The following XRCC4 variants were observed in gnomAD, a reference collection of about 807,000 sequenced individuals.
XRCC4 encodes the protein X-ray repair cross complementing 4.
In XRCC4, 28 loss-of-function variants were observed where a neutral mutation model predicts 39.1. That is an observed-to-expected ratio of 0.72 (90% CI 0.53 to 0.98). The LOEUF is 0.98. Ranked by LOEUF, XRCC4 falls within the 50% of genes least tolerant of loss-of-function variation. XRCC4 has a pLI of 0.00. For missense variants in XRCC4, 350 were observed against 376.4 expected (o/e 0.93, Z 0.58); for synonymous variants, 123 against 126.4 (o/e 0.97, Z 0.18).
At chr5:83,240,077 G>A (rs1322251747) in intron 6 of XRCC4, among the ~76,000 whole-genome samples, 3 of 152,112 alleles carry the variant, frequency 2.0e-5, no homozygotes, top group Non-Finnish European at 4.4e-5. Flanking sequence ...AGGAGGCTAA[G>A]GCAGGAGGAT....
At chr5:83,200,371 C>T (rs1490412131) in intron 4 of XRCC4, among the ~76,000 whole-genome samples, 5 of 152,168 alleles carry the variant, frequency 3.3e-5, no homozygotes, top group African/African-American at 1.2e-4. Flanking sequence ...AATCCTAAAG[C>T]TTTGCTGAAA....
intron 7 of XRCC4, among the ~76,000 whole-genome samples, chr5:83,309,296 A>AAAAAAAAAT (rs1561467702): frequency 1.4e-5 from 1 of 72,218 alleles, no homozygotes; most frequent in Non-Finnish European, 2.1e-5. Context: ...AAAAAAAAAA[A>AAAAAAAAAT]ATATATATAT....
chr5:83,271,206 T>C (rs1022498376), intron 7 of XRCC4, among the ~76,000 whole-genome samples: 2 of 152,176 alleles, frequency 1.3e-5, no homozygotes, highest in African/African-American at 4.8e-5. Context: ...AAAATTATTG[T>C]AATCCTGTCC....
chr5:83,295,325 A>T (rs1164940601), intron 7 of XRCC4, among the ~76,000 whole-genome samples: 1 of 152,110 alleles, frequency 6.6e-6, no homozygotes, highest in African/African-American at 2.4e-5. Flanking sequence ...ATATAGAATA[A>T]TCTACCTTAC....
At chr5:83,122,211 A>G (rs1021028837) in intron 3 of XRCC4, among the ~76,000 whole-genome samples, 3 of 152,168 alleles carry the variant, frequency 2.0e-5, no homozygotes, top group African/African-American at 7.2e-5. Flanking sequence ...ATTTTTCCAA[A>G]CAAGTCTGCT....
downstream of XRCC4, among the ~76,000 whole-genome samples, chr5:83,357,307 T>C (rs899082392): frequency 2.0e-5 from 3 of 152,134 alleles, no homozygotes; most frequent in African/African-American, 4.8e-5. Context: ...TGGGAGGGGA[T>C]TGCATTGAGT....
intron 3 of XRCC4, among the ~76,000 whole-genome samples, chr5:83,146,844 G>A (rs1191518521): frequency 6.6e-6 from 1 of 152,066 alleles, no homozygotes; most frequent in Non-Finnish European, 1.5e-5. Flanking sequence ...TGAATTTAAG[G>A]CGATTAGGTT....
At chr5:83,348,214 C>T (rs1474173980) in intron 7 of XRCC4, among the ~76,000 whole-genome samples, 2 of 147,506 alleles carry the variant, frequency 1.4e-5, no homozygotes, top group East Asian at 1.9e-4. Flanking sequence ...GCTGTCTTCT[C>T]ACAGTTCCAT....
chr5:83,174,410 A>T (rs908797271), intron 3 of XRCC4, among the ~76,000 whole-genome samples: 5 of 152,172 alleles, frequency 3.3e-5, no homozygotes, highest in Non-Finnish European at 7.3e-5. Context: ...ATAACTATGT[A>T]TCTTAATATA....
intron 3 of XRCC4, among the ~76,000 whole-genome samples, chr5:83,122,865 G>GT (rs138046366): frequency 5.8e-4 from 89 of 152,152 alleles, no homozygotes; most frequent in African/African-American, 2.1e-3. Flanking sequence ...GCCAATACTG[G>GT]TTTTTAATTT....
intron 3 of XRCC4, among the ~76,000 whole-genome samples, chr5:83,187,297 A>G (rs2940543): frequency 0.45 from 67,498 of 149,042 alleles, 15,927 homozygotes; most frequent in South Asian, 0.52. Flanking sequence ...TTCACCGCTT[A>G]TCCCTCTGAC....
At chr5:83,125,953 A>G (rs1747239277) in intron 3 of XRCC4, among the ~76,000 whole-genome samples, 1 of 145,976 alleles carries the variant, frequency 6.9e-6, no homozygotes, top group East Asian at 2.1e-4. Context: ...ATTGCACTCT[A>G]GCCTGGGCAA....
At chr5:83,147,158 G>A (rs1489436095) in intron 3 of XRCC4, among the ~76,000 whole-genome samples, 1 of 152,100 alleles carries the variant, frequency 6.6e-6, no homozygotes, top group Non-Finnish European at 1.5e-5. Context: ...GTGTGGTGAT[G>A]GACACCTGTA....
chr5:83,218,600 T>C (rs1751963529), intron 6 of XRCC4, among the ~76,000 whole-genome samples: 1 of 151,844 alleles, frequency 6.6e-6, no homozygotes, highest in African/African-American at 2.4e-5. Context: ...ATTCTGAAAA[T>C]GGTTAAAAAA....
chr5:83,272,298 AC>A (rs76077030), intron 7 of XRCC4, among the ~76,000 whole-genome samples: 2 of 151,672 alleles, frequency 1.3e-5, no homozygotes, highest in Non-Finnish European at 2.9e-5. Flanking sequence ...TTAAAGTCAT[AC>A]CCCCCCAAAC....
chr5:83,154,050 A>G (rs1306587076), intron 3 of XRCC4, among the ~76,000 whole-genome samples: 2 of 152,196 alleles, frequency 1.3e-5, no homozygotes, highest in African/African-American at 4.8e-5. Context: ...TATCTTTATC[A>G]TACAGTTAAG....
chr5:83,253,664 A>G (rs149208956), intron 6 of XRCC4, among the ~76,000 whole-genome samples: 85 of 152,304 alleles, frequency 5.6e-4, no homozygotes, highest in African/African-American at 2.0e-3. Flanking sequence ...AATACAAGAT[A>G]ATAATGAAGG....
At chr5:83,221,150 A>C (rs1379756883) in intron 6 of XRCC4, among the ~76,000 whole-genome samples, 1 of 152,124 alleles carries the variant, frequency 6.6e-6, no homozygotes, top group Non-Finnish European at 1.5e-5. Context: ...CCTACTAACA[A>C]TTATTGTTAC....
chr5:83,368,664 C>G, the XRCC4 span, among the ~76,000 whole-genome samples: 1 of 152,172 alleles, frequency 6.6e-6, no homozygotes, highest in Non-Finnish European at 1.5e-5. Context: ...GGGTCATCAG[C>G]GAGCTCTAAT....
Sources: gnomAD v4.1 joint callset for allele counts (sites outside exome capture counted in the v4.1 genomes callset) on GRCh38, gnomAD v4.1.1 for gene constraint, MANE v1.5 for transcripts, NCBI Gene and HGNC (gene_info 2026-07-23, HGNC 2026-07-21) for gene names.